The following PPP6R3 variants were observed in gnomAD, a reference collection of about 807,000 sequenced individuals.
The protein encoded by PPP6R3 is protein phosphatase 6 regulatory subunit 3, also known as serine/threonine-protein phosphatase 6 regulatory subunit 3.
Under a neutral mutation model 110.7 loss-of-function variants are expected in PPP6R3, and 38 were observed. The observed-to-expected ratio is 0.34, with a 90% CI of 0.26 to 0.45. The LOEUF (loss-of-function observed/expected upper bound fraction) is 0.45. Among genes scored for constraint, PPP6R3 ranks in the 20% least tolerant of loss-of-function variants. The probability of loss-of-function intolerance (pLI) is 1.00; values close to 1 mark genes in which losing one functional copy is unlikely to be tolerated. For synonymous variants in PPP6R3, 369 were observed against 373.5 expected (o/e 0.99, Z 0.14); for missense variants, 870 against 1,062.4 (o/e 0.82, Z 2.52).
chr11:68,513,216 G>A (rs1454645442), intron 1 of PPP6R3, among the ~76,000 whole-genome samples: 1 of 152,034 alleles, frequency 6.6e-6, no homozygotes, highest in East Asian at 1.9e-4. Context: ...CCATAATCGT[G>A]TGAGCTCATT....
intron 1 of PPP6R3, among the ~76,000 whole-genome samples, chr11:68,485,496 A>G (rs1376980967): frequency 6.6e-6 from 1 of 152,084 alleles, no homozygotes; most frequent in Non-Finnish European, 1.5e-5. Context: ...CTGACCATCA[A>G]TTATGATGAT....
intron 8 of PPP6R3, among the ~76,000 whole-genome samples, chr11:68,563,040 G>C (rs1164495738): frequency 1.3e-5 from 2 of 151,792 alleles, no homozygotes; most frequent in East Asian, 3.9e-4. Flanking sequence ...GGATATGGTG[G>C]CTCATGCCTA....
intron 19 of PPP6R3, among the ~76,000 whole-genome samples, chr11:68,597,476 T>C (rs1434342237): frequency 6.6e-6 from 1 of 152,134 alleles, no homozygotes; most frequent in Non-Finnish European, 1.5e-5. Flanking sequence ...TTCAAGACAT[T>C]CATGGCAACA....
At chr11:68,521,414 T>C (rs1247264676) in intron 2 of PPP6R3, among the ~76,000 whole-genome samples, 1 of 152,264 alleles carries the variant, frequency 6.6e-6, no homozygotes, top group East Asian at 1.9e-4. Context: ...TATTTTGTTT[T>C]TCTTTGCTGA....
intron 22 of PPP6R3, among the ~76,000 whole-genome samples, chr11:68,606,580 T>G (rs1270357693): frequency 6.6e-6 from 1 of 151,290 alleles, no homozygotes; most frequent in African/African-American, 2.4e-5. Context: ...CCTCCCAAAG[T>G]GCTGGGATTA....
intron 8 of PPP6R3, among the ~76,000 whole-genome samples, chr11:68,559,156 G>A (rs1413563787): frequency 6.6e-6 from 1 of 152,224 alleles, no homozygotes; most frequent in Non-Finnish European, 1.5e-5. Context: ...ACATTTGAGG[G>A]CACTTGAGCA....
At chr11:68,496,159 T>A (rs1249516210) in intron 1 of PPP6R3, among the ~76,000 whole-genome samples, 1 of 151,010 alleles carries the variant, frequency 6.6e-6, no homozygotes, top group African/African-American at 2.4e-5. Context: ...CTGGCTAATT[T>A]TTTTGTGTTT....
chr11:68,555,478 C>T (rs532303638), intron 7 of PPP6R3, among the ~76,000 whole-genome samples: 5 of 152,244 alleles, frequency 3.3e-5, no homozygotes, highest in African/African-American at 7.2e-5. Flanking sequence ...TAGAACATGC[C>T]GGTCAGACGA....
In PPP6R3 at chr11:68,615,267, A is replaced by G. The variant is rs1945063574; in HGVS notation, c.*2150A>G. 2 of 363,006 alleles carry G rather than the reference A, an allele frequency of 5.5e-6. No individual in the cohort carries two copies. 22.5% of individuals were successfully genotyped at this position (363,006 alleles called of 1,614,324 possible). A position where few individuals can be genotyped will look rare whatever the true frequency, so the allele number is the denominator to read the frequency against. ...GGCCATACTGAATTATGAGACTAAC[A>G]GATGTCTACAATACAATACCTGTAT... On this transcript the variant is annotated 3_prime_UTR_variant, in exon 24 of 24. Transcript: ENST00000393800.
intron 1 of PPP6R3, among the ~76,000 whole-genome samples, chr11:68,463,448 A>T (rs2153221124): frequency 6.7e-6 from 1 of 149,944 alleles, no homozygotes; most frequent in Admixed American, 6.7e-5. Flanking sequence ...AACAAGTGTC[A>T]CGATCGGTAT....
At chr11:68,609,588 C>T (rs1015474759) in intron 22 of PPP6R3, 10 of 1,551,382 alleles carry the variant, frequency 6.4e-6, no homozygotes, top group African/African-American at 2.7e-5. Flanking sequence ...ATTTCTTTTT[C>T]TGTTTTGCAC....
intron 1 of PPP6R3, among the ~76,000 whole-genome samples, chr11:68,479,134 C>G (rs967597768): frequency 6.6e-6 from 1 of 152,070 alleles, no homozygotes; most frequent in African/African-American, 2.4e-5. Context: ...CATATTCTTA[C>G]GATTATTCAC....
At chr11:68,505,529 A>C (rs2099071399) in intron 1 of PPP6R3, among the ~76,000 whole-genome samples, 2 of 152,208 alleles carry the variant, frequency 1.3e-5, no homozygotes. Context: ...GTGTGTGCTT[A>C]GTTTTAACGT....
chr11:68,599,197 G>C (rs951773446), intron 19 of PPP6R3, among the ~76,000 whole-genome samples: 14 of 152,212 alleles, frequency 9.2e-5, no homozygotes, highest in African/African-American at 2.9e-4. Flanking sequence ...TCCTAATTAT[G>C]ATAATATCCC....
intron 2 of PPP6R3, among the ~76,000 whole-genome samples, chr11:68,521,773 T>C (rs2099165358): frequency 6.6e-6 from 1 of 152,230 alleles, no homozygotes; most frequent in Non-Finnish European, 1.5e-5. Flanking sequence ...GGCTTTGTTA[T>C]TGGTGAGATT....
At chr11:68,485,292 T>TC (rs1435762643) in intron 1 of PPP6R3, among the ~76,000 whole-genome samples, 3 of 148,924 alleles carry the variant, frequency 2.0e-5, no homozygotes, top group Non-Finnish European at 4.5e-5. Flanking sequence ...TTTTTTTTTT[T>TC]CAATTCCTTC....
chr11:68,538,197 G>C (rs4930575), intron 3 of PPP6R3, among the ~76,000 whole-genome samples: 2,359 of 152,316 alleles, frequency 0.015, 227 homozygotes, highest in Admixed American at 0.14. Flanking sequence ...TTGCAAATAG[G>C]AAGATGGACA....
intron 1 of PPP6R3, among the ~76,000 whole-genome samples, chr11:68,516,913 T>A (rs1241046771): frequency 1.3e-5 from 2 of 152,160 alleles, no homozygotes; most frequent in African/African-American, 4.8e-5. Context: ...ATGGATGTGA[T>A]GTGTTACTTC....
At chr11:68,499,407 A>T (rs186277401) in intron 1 of PPP6R3, among the ~76,000 whole-genome samples, 4 of 152,096 alleles carry the variant, frequency 2.6e-5, no homozygotes, top group African/African-American at 9.7e-5. Context: ...TTTGCCAGGG[A>T]TGTCTGAGTT....
Sources: allele counts gnomAD v4.1 joint callset (sites outside exome capture counted in the v4.1 genomes callset), GRCh38; gene constraint gnomAD v4.1.1; transcripts MANE v1.5; gene names NCBI Gene and HGNC (gene_info 2026-07-23, HGNC 2026-07-21).